COPS5: variants seen among roughly 807,000 people sequenced by gnomAD.
The protein encoded by COPS5 is COP9 signalosome subunit 5.
In COPS5, 8 loss-of-function variants were observed where a neutral mutation model predicts 44.4. That is an observed-to-expected ratio of 0.18 (90% CI 0.11 to 0.32). The LOEUF (loss-of-function observed/expected upper bound fraction) is 0.32. COPS5 is among the 10% of genes least tolerant of loss of function. The pLI is 1.00. For missense variants in COPS5, 159 were observed against 406.4 expected, an observed-to-expected ratio of 0.39 and a Z score of 5.23; for synonymous variants, 122 against 142.8, an observed-to-expected ratio of 0.85 and a Z score of 1.04.
intron 6 of COPS5, among the ~76,000 whole-genome samples, chr8:67,049,588 C>G (rs1034699915): frequency 6.6e-6 from 1 of 152,190 alleles, no homozygotes; most frequent in African/African-American, 2.4e-5. Context: ...TTATCTCTAA[C>G]TTTCACATTA....
intron 5 of COPS5, among the ~76,000 whole-genome samples, chr8:67,055,837 G>T (rs1046516444): frequency 3.6e-5 from 5 of 139,110 alleles, no homozygotes; most frequent in African/African-American, 1.3e-4. Context: ...CTGCACTCCA[G>T]CCTGGGCAAC....
At chr8:67,054,746 G>A (rs1183304146) in intron 5 of COPS5, among the ~76,000 whole-genome samples, 1 of 152,176 alleles carries the variant, frequency 6.6e-6, no homozygotes, top group Non-Finnish European at 1.5e-5. Flanking sequence ...GGCATAAGTG[G>A]TACAGAAAAA....
intron 1 of COPS5, 160 bp downstream of exon 1, chr8:67,061,694 C>T: frequency 1.4e-6 from 1 of 699,106 alleles, no homozygotes; most frequent in Non-Finnish European, 2.4e-6. Flanking sequence ...AGTGAAAGCC[C>T]CAGCGGAGGG....
chr8:67,061,081 GCAGGAAATCTCTCAGGAGATGCTCT>G (rs1279898268), intron 1 of COPS5: 1 of 165,346 alleles, frequency 6.0e-6, no homozygotes, highest in African/African-American at 2.4e-5. Context: ...TTTCCTGATA[GCAGGAAATCTCTCAGGAGATGCTCT>G]CAGGAAAAGA....
At chr8:67,050,558 A>AGTGTGAGTGTGT (rs60730687) in intron 6 of COPS5, among the ~76,000 whole-genome samples, 2 of 140,996 alleles carry the variant, frequency 1.4e-5, no homozygotes, top group African/African-American at 5.2e-5. Flanking sequence ...TGTGAGTGTG[A>AGTGTGAGTGTGT]GTGTGTGTGT....
At position 67,052,143 on chromosome 8, in the gene COPS5, T is replaced by C. The variant is rs547538615; in HGVS notation, c.660-802A>G. Among the ~76,000 whole-genome samples the C allele has an allele frequency of 2.0e-5, 3 of 152,276 alleles. No individual in the cohort carries two copies. The East Asian group carries it at 5.8e-4, about 29-fold the overall frequency. The stretch of plus-strand genomic sequence containing the variant: ...AACTAAGGGTTAGAGATAATAAGTA[T>C]TCTTCATATAGAGGAGCTCAAGCTA... On this transcript the variant is annotated intron_variant, in intron 5 of 7. Transcript: ENST00000357849.
chr8:67,046,684 G>A (rs568617236), intron 6 of COPS5, among the ~76,000 whole-genome samples: 7 of 151,606 alleles, frequency 4.6e-5, no homozygotes, highest in South Asian at 2.1e-4. Context: ...TTAGCCGGGC[G>A]TGGTGGCAGG....
chr8:67,058,278 T>A, intron 2 of COPS5, 67 bp from the exon 3 acceptor site: 1 of 1,508,682 alleles, frequency 6.6e-7, no homozygotes, highest in Admixed American at 1.8e-5. Flanking sequence ...ACCAGTACAA[T>A]AAGGGTAACC....
chr8:67,060,069 C>T (rs1804562728), intron 1 of COPS5: 1 of 168,250 alleles, frequency 5.9e-6, no homozygotes, highest in African/African-American at 2.4e-5. Context: ...TCTCTTAACC[C>T]TACTCTCAAA....
intron 1 of COPS5, 200 bp downstream of exon 1, chr8:67,061,654 G>T (rs981156399): frequency 4.1e-5 from 24 of 591,698 alleles, no homozygotes; most frequent in Admixed American, 3.6e-4. Flanking sequence ...CATCACCCGG[G>T]GGCAAATGGA....
At chr8:67,060,640 T>C (rs753087244) in intron 1 of COPS5, 2 of 426,696 alleles carry the variant, frequency 4.7e-6, no homozygotes, top group Non-Finnish European at 8.1e-6. Context: ...TCTATGACAA[T>C]ACCAATAAGT....
intron 6 of COPS5, among the ~76,000 whole-genome samples, chr8:67,046,679 C>T (rs920033497): frequency 1.3e-4 from 19 of 151,268 alleles, no homozygotes; most frequent in Non-Finnish European, 2.4e-4. Context: ...AAAAATTAGC[C>T]GGGCGTGGTG....
At chr8:67,043,914 G>C (rs1190805764) in intron 7 of COPS5, 3 of 152,148 alleles carry the variant, frequency 2.0e-5, no homozygotes, top group African/African-American at 7.2e-5. Flanking sequence ...TATAATTGAA[G>C]ACATTGCCAT....
chr8:67,057,982 C>T, intron 3 of COPS5, 101 bp downstream of exon 3: 1 of 1,266,850 alleles, frequency 7.9e-7, no homozygotes, highest in Non-Finnish European at 1.1e-6. Flanking sequence ...CAGACTGATA[C>T]CAGAGCAATT....
intron 6 of COPS5, chr8:67,047,664 A>G: frequency 1.7e-6 from 1 of 602,100 alleles, no homozygotes; most frequent in East Asian, 2.8e-5. Context: ...ATAAAACAAC[A>G]AGGGAGAAAT....
At chr8:67,046,960 T>G (rs16933147) in intron 6 of COPS5, among the ~76,000 whole-genome samples, 34 of 151,892 alleles carry the variant, frequency 2.2e-4, no homozygotes, top group African/African-American at 8.2e-4. Context: ...TAGCTATAAC[T>G]GCAACTAAAG....
At chr8:67,060,250 G>T in intron 1 of COPS5, 2 of 813,080 alleles carry the variant, frequency 2.5e-6, no homozygotes, top group Non-Finnish European at 3.2e-6. Context: ...CAGCTAGGAT[G>T]AATATAATTA....
chr8:67,062,060 C>A lies in COPS5; in HGVS notation c.-64G>T. 1 of 1,611,090 alleles carries A rather than the reference C, an allele frequency of 6.2e-7. No individual in the cohort carries two copies. The highest frequency in any genetic ancestry group is 1.1e-5 in the South Asian group (1 of 90,850). ...GACGCAACTTTACCTCGCTAGGTTTCCGGGTGTGGGCCTTGACCCTCCGCA... is the reference window on the plus strand; with the variant it reads ...GACGCAACTTTACCTCGCTAGGTTTACGGGTGTGGGCCTTGACCCTCCGCA... On this transcript the variant is annotated 5_prime_UTR_variant, in exon 1 of 8. Coordinates refer to ENST00000357849, the MANE Select transcript of COPS5 (RefSeq NM_006837.3).
chr8:67,058,787 T>C (rs1231137105), intron 2 of COPS5, among the ~76,000 whole-genome samples: 1 of 152,050 alleles, frequency 6.6e-6, no homozygotes, highest in Admixed American at 6.5e-5. Flanking sequence ...GTGGATCACC[T>C]GAGGACAGGA....
Sources: gnomAD v4.1 joint callset for allele counts (sites outside exome capture counted in the v4.1 genomes callset) on GRCh38, gnomAD v4.1.1 for gene constraint, MANE v1.5 for transcripts, NCBI Gene and HGNC (gene_info 2026-07-23, HGNC 2026-07-21) for gene names.